Variants in TMTC2 observed in about 807,000 individuals in gnomAD.
The protein encoded by TMTC2 is protein O-mannosyl-transferase TMTC2.
Under a neutral mutation model 82.4 loss-of-function variants are expected in TMTC2, and 43 were observed. That is an observed-to-expected ratio of 0.52 (90% CI 0.41 to 0.67). The LOEUF (loss-of-function observed/expected upper bound fraction) is 0.67. Among genes scored for constraint, TMTC2 ranks in the 30% least tolerant of loss-of-function variants. The pLI is 0.00. For synonymous variants in TMTC2, 408 were observed against 381.9 expected (o/e 1.07, Z -0.80); for missense variants, 919 against 1,012.4 (o/e 0.91, Z 1.25).
chr12:82,905,670 C>T (rs1444210992), intron 3 of TMTC2, among the ~76,000 whole-genome samples: 4 of 152,128 alleles, frequency 2.6e-5, no homozygotes, highest in Non-Finnish European at 4.4e-5. Flanking sequence ...GTTGGCCAGG[C>T]GCCATGGCTC....
At chr12:82,771,710 A>G (rs1299204019) in intron 1 of TMTC2, among the ~76,000 whole-genome samples, 1 of 152,240 alleles carries the variant, frequency 6.6e-6, no homozygotes, top group Non-Finnish European at 1.5e-5. Context: ...TTATGCATAA[A>G]TAACTAATGA....
chr12:82,857,656 G>A (rs1592579469), intron 2 of TMTC2, 76 bp downstream of exon 2: 3 of 1,361,706 alleles, frequency 2.2e-6, no homozygotes, highest in Non-Finnish European at 3.0e-6. Context: ...CATTTAAAAA[G>A]CAAATTTATT....
At chr12:82,751,114 A>G (rs562333735) in intron 1 of TMTC2, among the ~76,000 whole-genome samples, 31 of 152,354 alleles carry the variant, frequency 2.0e-4, no homozygotes, top group African/African-American at 7.5e-4. Flanking sequence ...TATATACACA[A>G]TAGCAAAGAC....
intron 3 of TMTC2, among the ~76,000 whole-genome samples, chr12:82,912,860 C>T (rs562253395): frequency 1.3e-5 from 2 of 149,688 alleles, no homozygotes; most frequent in African/African-American, 4.9e-5. Flanking sequence ...ATCACCTGAT[C>T]CTGGGGAGGT....
chr12:82,869,914 G>T (rs1205600504), intron 2 of TMTC2, among the ~76,000 whole-genome samples: 1 of 151,808 alleles, frequency 6.6e-6, no homozygotes, highest in African/African-American at 2.4e-5. Flanking sequence ...TTAGGCCCAC[G>T]ATTAGTTGAG....
chr12:83,070,584 CT>C (rs1479603003), intron 11 of TMTC2, among the ~76,000 whole-genome samples: 1 of 152,084 alleles, frequency 6.6e-6, no homozygotes, highest in East Asian at 1.9e-4. Flanking sequence ...GTTCTAGGAG[CT>C]TTCCAGAGGA....
intron 9 of TMTC2, among the ~76,000 whole-genome samples, chr12:83,050,582 A>C (rs1448776700): frequency 6.6e-6 from 1 of 152,190 alleles, no homozygotes; most frequent in Non-Finnish European, 1.5e-5. Context: ...CGTCAGAGAC[A>C]GGAGCTAATT....
intron 4 of TMTC2, among the ~76,000 whole-genome samples, chr12:82,945,747 T>A (rs1876958990): frequency 1.3e-5 from 2 of 152,180 alleles, no homozygotes; most frequent in South Asian, 2.1e-4. Context: ...CCAATTACTG[T>A]GAGTTAAGAA....
chr12:82,997,418 A>ATATGTGTG (rs1879712568), intron 8 of TMTC2, among the ~76,000 whole-genome samples: 2 of 115,744 alleles, frequency 1.7e-5, no homozygotes, highest in African/African-American at 6.7e-5. Context: ...ATGTGTATAT[A>ATATGTGTG]TATATATATA....
intron 1 of TMTC2, among the ~76,000 whole-genome samples, chr12:82,709,086 T>C (rs1873506100): frequency 6.6e-6 from 1 of 151,838 alleles, no homozygotes. Flanking sequence ...GATAGGATTT[T>C]TTTTTTTTTT....
intron 1 of TMTC2, among the ~76,000 whole-genome samples, chr12:82,811,849 G>A (rs1273933872): frequency 9.5e-5 from 11 of 115,512 alleles, no homozygotes; most frequent in Admixed American, 2.6e-4. Context: ...ATGGAGTCTC[G>A]CTCTGTCGCC....
chr12:82,922,508 CTCTT>C (rs1875455561), intron 3 of TMTC2, among the ~76,000 whole-genome samples: 1 of 151,868 alleles, frequency 6.6e-6, no homozygotes, highest in African/African-American at 2.4e-5. Flanking sequence ...CCTTTTCCTT[CTCTT>C]TCTCTTTTTT....
At chr12:82,958,232 C>T (rs535139631) in intron 4 of TMTC2, among the ~76,000 whole-genome samples, 11 of 151,758 alleles carry the variant, frequency 7.2e-5, no homozygotes, top group African/African-American at 1.9e-4. Context: ...GGTGTGGTAG[C>T]GCACACCTGT....
chr12:82,978,368 AG>A (rs1460012114), intron 7 of TMTC2, among the ~76,000 whole-genome samples: 7 of 151,864 alleles, frequency 4.6e-5, no homozygotes, highest in African/African-American at 1.7e-4. Context: ...GATAAAACTG[AG>A]GACCTTTAAA....
chr12:83,081,601 T>C (rs971945493), intron 11 of TMTC2, among the ~76,000 whole-genome samples: 10 of 152,228 alleles, frequency 6.6e-5, no homozygotes, highest in South Asian at 4.1e-4. Context: ...AAAAAGTTCA[T>C]ATAGTACAGA....
chr12:82,773,328 T>A (rs1877410664), intron 1 of TMTC2, among the ~76,000 whole-genome samples: 1 of 152,204 alleles, frequency 6.6e-6, no homozygotes, highest in Admixed American at 6.5e-5. Context: ...CAGTTTGTGA[T>A]AAAATGTGTT....
At chr12:83,109,831 C>T (rs893318157) in intron 11 of TMTC2, among the ~76,000 whole-genome samples, 1 of 152,174 alleles carries the variant, frequency 6.6e-6, no homozygotes, top group Non-Finnish European at 1.5e-5. Context: ...ATGCCTGCAT[C>T]CTGAAGCATG....
At position 82,857,159 on chromosome 12, in the gene TMTC2, CCATT is replaced by C. The variant is rs1565780378; in HGVS notation, c.234_237del (p.Ile79GlufsTer3). On this transcript the variant is annotated frameshift_variant, in exon 2 of 12. Transcript: ENST00000321196. LOFTEE classifies it high-confidence loss of function. ...ACTCTTTCTTTTCGCCTGAACCATGCCATTGGAGGGTTGAATCCCTGGAGCTACC... is the reference window on the plus strand; with the variant it reads ...ACTCTTTCTTTTCGCCTGAACCATGCGGAGGGTTGAATCCCTGGAGCTACC... 6.2e-7 allele frequency: 1 copy of C among 1,614,128 alleles called. No homozygotes were observed. The highest frequency in any genetic ancestry group is 2.2e-5 in the East Asian group (1 of 44,864).
Position 82,820,004 on chromosome 12 carries a change from T to C in TMTC2, c.84-37006T>C, listed in dbSNP as rs1193269840. ...ACTTCAAAAGTGGGGAAGCCAACAGTGTAGTCTTCAGTCTGTGGTCAAAGG... is the reference window on the plus strand; with the variant it reads ...ACTTCAAAAGTGGGGAAGCCAACAGCGTAGTCTTCAGTCTGTGGTCAAAGG... On this transcript the variant is annotated intron_variant, in intron 1 of 11. Transcript: ENST00000321196. Among the ~76,000 whole-genome samples the C allele has an allele frequency of 2.0e-5, 3 of 152,144 alleles. No homozygotes were observed. The East Asian group carries it at 5.8e-4, about 29-fold the overall frequency.
Sources: gnomAD v4.1 joint callset for allele counts (sites outside exome capture counted in the v4.1 genomes callset) on GRCh38, gnomAD v4.1.1 for gene constraint, MANE v1.5 for transcripts, NCBI Gene and HGNC (gene_info 2026-07-23, HGNC 2026-07-21) for gene names.